DMRT1: variants seen among roughly 807,000 people sequenced by gnomAD.
DMRT1 encodes doublesex- and mab-3-related transcription factor 1.
Under a neutral mutation model 32.3 loss-of-function variants are expected in DMRT1, and 7 were observed. The ratio of observed to expected loss-of-function variants is 0.22; its 90% confidence interval spans 0.12 to 0.41. DMRT1 has a LOEUF of 0.41. DMRT1 is among the 10% of genes least tolerant of loss of function. The pLI is 1.00. For synonymous variants in DMRT1, 278 were observed against 206.1 expected (o/e 1.35, Z -2.99); for missense variants, 625 against 500.5 (o/e 1.25, Z -2.37).
At chr9:899,036 T>C (rs1428202213) in intron 3 of DMRT1, among the ~76,000 whole-genome samples, 1 of 152,164 alleles carries the variant, frequency 6.6e-6, no homozygotes, top group Non-Finnish European at 1.5e-5. Flanking sequence ...ATTGTTTTCT[T>C]GATTTCTTTT....
chr9:931,370 G>A (rs1818719304), intron 4 of DMRT1, among the ~76,000 whole-genome samples: 1 of 152,218 alleles, frequency 6.6e-6, no homozygotes, highest in Admixed American at 6.5e-5. Context: ...ACATACAAAT[G>A]TAATGAGTAG....
chr9:967,331 C>A (rs866836386), intron 4 of DMRT1, among the ~76,000 whole-genome samples: 2 of 152,076 alleles, frequency 1.3e-5, no homozygotes, highest in Admixed American at 6.6e-5. Context: ...GTTTTATGTT[C>A]CTAGGTTTGC....
At chr9:842,443 T>C (rs1380613384) in intron 1 of DMRT1, 2 of 523,356 alleles carry the variant, frequency 3.8e-6, no homozygotes, top group African/African-American at 2.0e-5. Flanking sequence ...ACCATATTGG[T>C]CAGGCCGGTC....
Position 841,781 on chromosome 9 carries a change from G to C in DMRT1, c.-58G>C, listed in dbSNP as rs1838689556. ...TCGCTGTCCGTCGGGTTCATCCCTC[G>C]CAGCAGTCTCCAGGCGAGAGAGGGG... is the stretch of plus-strand genomic sequence containing the variant. On this transcript the variant is annotated 5_prime_UTR_variant, in exon 1 of 5. Transcript: ENST00000382276. 3.2e-6 allele frequency: 5 copies of C among 1,561,580 alleles called. No individual in the cohort carries two copies. The highest frequency in any genetic ancestry group is 4.3e-6 in the Non-Finnish European group (5 of 1,153,828).
At position 916,899 on chromosome 9, in the gene DMRT1, G is replaced by A; in HGVS notation, c.959G>A (p.Arg320Lys). ...GATGCTCCCTCTTACCCGGAAGCCA[G>A]GGCGAGCGGTAGGTGTCTGGTCACA... ...FEDAPSYPEARASVFSPPSSQ... is the reference protein window; with the variant it reads ...FEDAPSYPEAKASVFSPPSSQ... Residue 320 changes from arginine to lysine, a missense_variant, in exon 4 of 5, where the codon AGG becomes AAG. Around this residue, in one of 3 missense-constraint regions of DMRT1, gnomAD observed 416 missense variants for 321.6 expected, o/e 1.29. Coordinates refer to ENST00000382276, the MANE Select transcript of DMRT1 (RefSeq NM_021951.3). The A allele has an allele frequency of 6.2e-7, 1 of 1,614,174 alleles. No individual in the cohort carries two copies. Among genetic ancestry groups the A allele is most frequent in the South Asian group, 1.1e-5 (1 of 91,078 alleles).
At chr9:882,238 A>G (rs1816760972) in intron 2 of DMRT1, among the ~76,000 whole-genome samples, 1 of 152,072 alleles carries the variant, frequency 6.6e-6, no homozygotes, top group Non-Finnish European at 1.5e-5. Flanking sequence ...GGCCCAATTA[A>G]GTTTCTCTGG....
At chr9:938,048 T>A (rs936324456) in intron 4 of DMRT1, among the ~76,000 whole-genome samples, 4 of 152,196 alleles carry the variant, frequency 2.6e-5, no homozygotes, top group Non-Finnish European at 5.9e-5. Context: ...GATCTAACTC[T>A]ATTCTTTGGT....
At chr9:937,213 C>A (rs181060021) in intron 4 of DMRT1, among the ~76,000 whole-genome samples, 5 of 152,210 alleles carry the variant, frequency 3.3e-5, no homozygotes, top group African/African-American at 1.2e-4. Context: ...ATTGCATTGC[C>A]TGTGTGCGCC....
intron 4 of DMRT1, among the ~76,000 whole-genome samples, chr9:933,679 C>T (rs1384725123): frequency 2.6e-5 from 4 of 152,214 alleles, no homozygotes; most frequent in African/African-American, 4.8e-5. Context: ...ATGGAAAATG[C>T]AATTCCTCTG....
intron 3 of DMRT1, among the ~76,000 whole-genome samples, chr9:897,956 A>G (rs1295001444): frequency 6.6e-6 from 1 of 152,230 alleles, no homozygotes. Flanking sequence ...AAGTATAGGT[A>G]AAAATGATAA....
intron 2 of DMRT1, among the ~76,000 whole-genome samples, chr9:886,532 A>G (rs2132639329): frequency 6.6e-6 from 1 of 150,850 alleles, no homozygotes; most frequent in South Asian, 2.1e-4. Context: ...TTGGGATTAC[A>G]CGCGTGAGCC....
At chr9:847,182 A>G (rs1422721962) in intron 2 of DMRT1, 39 bp downstream of exon 2, 3 of 1,603,080 alleles carry the variant, frequency 1.9e-6, no homozygotes, top group African/African-American at 1.3e-5. Context: ...GAGGCTGGGC[A>G]TGAGGGAGGC....
At chr9:922,006 G>A (rs146746288) in intron 4 of DMRT1, among the ~76,000 whole-genome samples, 2 of 152,006 alleles carry the variant, frequency 1.3e-5, no homozygotes, top group Admixed American at 6.5e-5. Context: ...TCAGCCTCCC[G>A]GGTAGCTAGG....
At chr9:865,042 G>C (rs1371613448) in intron 2 of DMRT1, among the ~76,000 whole-genome samples, 1 of 152,184 alleles carries the variant, frequency 6.6e-6, no homozygotes, top group African/African-American at 2.4e-5. Context: ...AGTGAGCATG[G>C]AATTAGAATG....
At chr9:892,637 T>C (rs1287553269) in intron 2 of DMRT1, among the ~76,000 whole-genome samples, 1 of 152,180 alleles carries the variant, frequency 6.6e-6, no homozygotes, top group East Asian at 1.9e-4. Flanking sequence ...CTCTGATCTC[T>C]CTCTCCTTCA....
At chr9:876,265 T>C (rs1816495486) in intron 2 of DMRT1, among the ~76,000 whole-genome samples, 1 of 152,076 alleles carries the variant, frequency 6.6e-6, no homozygotes, top group African/African-American at 2.4e-5. Flanking sequence ...TAGAGGGAGC[T>C]GCTTCCAGGA....
intron 4 of DMRT1, among the ~76,000 whole-genome samples, chr9:929,169 T>C (rs1224517089): frequency 6.6e-6 from 1 of 152,210 alleles, no homozygotes; most frequent in Non-Finnish European, 1.5e-5. Flanking sequence ...TTGTATTTGC[T>C]AAATCTGACA....
intron 3 of DMRT1, among the ~76,000 whole-genome samples, chr9:910,813 C>T (rs1324753839): frequency 6.6e-6 from 1 of 152,068 alleles, no homozygotes; most frequent in African/African-American, 2.4e-5. Context: ...TCTTGCTTGC[C>T]AGTGACCACT....
At chr9:857,845 C>T (rs542454154) in intron 2 of DMRT1, among the ~76,000 whole-genome samples, 88 of 137,372 alleles carry the variant, frequency 6.4e-4, no homozygotes, top group Non-Finnish European at 1.2e-3. Flanking sequence ...TCTCATTGTT[C>T]GATTCCCACC....
Sources: gnomAD v4.1 joint callset for allele counts (sites outside exome capture counted in the v4.1 genomes callset) on GRCh38, gnomAD v4.1.1 for gene constraint, gnomAD v4.1.1 regional missense constraint, MANE v1.5 for transcripts, NCBI Gene and HGNC (gene_info 2026-07-23, HGNC 2026-07-21) for gene names.